RSF1: variants seen among roughly 807,000 people sequenced by gnomAD.
RSF1 encodes the protein remodeling and spacing factor 1, also known as HBV pX-associated protein 8.
A neutral mutation model predicts 145.2 loss-of-function variants in RSF1; 13 were observed. The ratio of observed to expected loss-of-function variants is 0.09; its 90% CI spans 0.06 to 0.14. The LOEUF is 0.14. Among genes scored for constraint, RSF1 ranks in the 10% least tolerant of loss-of-function variants. RSF1 has a pLI of 1.00. For missense variants in RSF1, 1,517 were observed against 1,718.2 expected (o/e 0.88, Z 2.07); for synonymous variants, 577 against 592.6 (o/e 0.97, Z 0.38).
At chr11:77,789,446 T>C (rs1448992418) in intron 1 of RSF1, among the ~76,000 whole-genome samples, 2 of 152,196 alleles carry the variant, frequency 1.3e-5, no homozygotes. Flanking sequence ...ATGCATGGAC[T>C]ACTGCCGCCG....
chr11:77,805,652 C>T, intron 1 of RSF1, among the ~76,000 whole-genome samples: 1 of 152,078 alleles, frequency 6.6e-6, no homozygotes, highest in East Asian at 1.9e-4. Context: ...CATATATATA[C>T]ATGTATGTAA....
intron 2 of RSF1, among the ~76,000 whole-genome samples, chr11:77,753,346 C>T (rs2135926220): frequency 6.6e-6 from 1 of 152,240 alleles, no homozygotes; most frequent in Non-Finnish European, 1.5e-5. Context: ...TTTAATCTGC[C>T]CTTAATTATT....
chr11:77,857,358 CAT>C, the RSF1 span, among the ~76,000 whole-genome samples: 1 of 152,124 alleles, frequency 6.6e-6, no homozygotes, highest in African/African-American at 2.4e-5. Context: ...GCAGGAAAAA[CAT>C]ATGTCTAGAT....
chr11:77,797,592 A>G, intron 1 of RSF1, among the ~76,000 whole-genome samples: 1 of 152,234 alleles, frequency 6.6e-6, no homozygotes, highest in South Asian at 2.1e-4. Flanking sequence ...CATCCAGGAC[A>G]TAGGCATGGG....
rs146551886 is a variant in RSF1 at position 77,701,054 on chromosome 11, G to A, written c.2175C>T (p.Thr725=). ...ETTASENTEI[T]SERQKEGIKL... is the part of the protein sequence containing the mutation. Reference sequence around the variant, plus strand: ...TGATGCCCTCTTTCTGCCTTTCAGAGGTTATCTCTGTATTTTCTGAGGCAG... The same window carrying A: ...TGATGCCCTCTTTCTGCCTTTCAGAAGTTATCTCTGTATTTTCTGAGGCAG... Residue 725 remains threonine, a synonymous_variant, in exon 6 of 16, where the codon ACC becomes ACT. Coordinates refer to ENST00000308488, the MANE Select transcript of RSF1 (RefSeq NM_016578.4). 2.5e-6 allele frequency: 4 copies of A among 1,613,608 alleles called. No individual in the cohort carries two copies. Among genetic ancestry groups the A allele is most frequent in the South Asian group, 2.2e-5 (2 of 91,064 alleles).
chr11:77,766,908 T>G (rs191798225), intron 1 of RSF1, among the ~76,000 whole-genome samples: 1 of 152,310 alleles, frequency 6.6e-6, no homozygotes, highest in African/African-American at 2.4e-5. Context: ...ATCCAGAAGA[T>G]AGAAGTAGCC....
chr11:77,673,024 C>T (rs1216842241), intron 14 of RSF1, among the ~76,000 whole-genome samples: 9 of 152,136 alleles, frequency 5.9e-5, no homozygotes, highest in Non-Finnish European at 1.3e-4. Flanking sequence ...TTACTGCAGT[C>T]GACCTACAGC....
In RSF1 at chr11:77,725,749, G is replaced by C. The variant is rs986640405; in HGVS notation, c.579-50C>G. On this transcript the variant is annotated intron_variant, in intron 4 of 15. Coordinates refer to ENST00000308488, the MANE Select transcript of RSF1 (RefSeq NM_016578.4). ...GCATAAAAACCTTTTTCCTGTTCTA[G>C]AGAACTTTCTGAATAATACCAATAG... 3.8e-5 allele frequency: 54 copies of C among 1,429,178 alleles called. No homozygotes were observed. The Middle Eastern group carries it at 5.7e-4, about 15-fold the overall frequency. The allele number at this position is 1,429,178 out of a possible 1,614,324, so 88.5% of individuals were successfully genotyped here.
chr11:77,756,912 C>T (rs543643608), intron 2 of RSF1, among the ~76,000 whole-genome samples: 1 of 152,192 alleles, frequency 6.6e-6, no homozygotes, highest in Non-Finnish European at 1.5e-5. Flanking sequence ...GAGGAAGAGA[C>T]AATCGTAAAC....
chr11:77,804,548 G>A (rs1276620165), intron 1 of RSF1, among the ~76,000 whole-genome samples: 1 of 152,162 alleles, frequency 6.6e-6, no homozygotes, highest in Non-Finnish European at 1.5e-5. Context: ...GTGTCTAATA[G>A]TTGGAGAGCC....
chr11:77,751,172 T>G (rs1294318422), intron 2 of RSF1, among the ~76,000 whole-genome samples: 1 of 152,220 alleles, frequency 6.6e-6, no homozygotes, highest in Admixed American at 6.5e-5. Flanking sequence ...TGACTTCACA[T>G]GCCTACAGAG....
rs1959225870 is a variant in RSF1, at chr11:77,660,957, T to C, written c.*5960A>G. On this transcript the variant is annotated 3_prime_UTR_variant, in exon 16 of 16. Coordinates refer to ENST00000308488, the MANE Select transcript of RSF1 (RefSeq NM_016578.4). ...ACTGACATTTAAACGAAGCTGTGAA[T>C]ATACCATGGTAAAATGTGCCATGTA... 6.6e-6 allele frequency: 1 copy of C among 152,200 alleles called. No homozygotes were observed. The highest frequency in any genetic ancestry group is 2.1e-4 in the South Asian group (1 of 4,834). 9.4% of individuals were successfully genotyped at this position (152,200 alleles called of 1,614,324 possible). A position where few individuals can be genotyped will look rare whatever the true frequency, so the allele number is the denominator to read the frequency against.
At chr11:77,813,780 G>A (rs992151143) in intron 1 of RSF1, 4 of 262,116 alleles carry the variant, frequency 1.5e-5, no homozygotes, top group South Asian at 9.5e-5. Context: ...ACCTACCACC[G>A]CGACTTCCTC....
At chr11:77,734,231 G>C (rs1248631056) in intron 4 of RSF1, among the ~76,000 whole-genome samples, 1 of 143,166 alleles carries the variant, frequency 7.0e-6, no homozygotes, top group African/African-American at 2.7e-5. Flanking sequence ...TCAACTTAAA[G>C]TATAATTATA....
At chr11:77,869,937 C>T in the RSF1 span, 3 of 909,412 alleles carry the variant, frequency 3.3e-6, no homozygotes, top group Middle Eastern at 3.3e-4. Context: ...ATTTTGCTGA[C>T]CCAGGATAGC....
chr11:77,816,390 A>G (rs1185455285), intron 1 of RSF1, among the ~76,000 whole-genome samples: 1 of 152,242 alleles, frequency 6.6e-6, no homozygotes, highest in African/African-American at 2.4e-5. Flanking sequence ...AAGAGAGACC[A>G]TAGTAAGTTA....
At chr11:77,766,872 C>CT (rs1948231776) in intron 1 of RSF1, among the ~76,000 whole-genome samples, 1 of 152,088 alleles carries the variant, frequency 6.6e-6, no homozygotes, top group Admixed American at 6.5e-5. Flanking sequence ...AGGGCCGAAG[C>CT]TAGATATAAA....
upstream of RSF1, chr11:77,820,916 G>T: frequency 1.7e-6 from 1 of 586,368 alleles, no homozygotes; most frequent in Non-Finnish European, 2.9e-6. Flanking sequence ...ACGGGAGACA[G>T]AGCGGCCCTC....
intron 5 of RSF1, among the ~76,000 whole-genome samples, chr11:77,725,304 T>C (rs1961026508): frequency 6.6e-6 from 1 of 152,238 alleles, no homozygotes; most frequent in East Asian, 1.9e-4. Flanking sequence ...TAAAAAATAT[T>C]ATGTTTTGAT....
Sources: allele counts gnomAD v4.1 joint callset (sites outside exome capture counted in the v4.1 genomes callset), GRCh38; gene constraint gnomAD v4.1.1; transcripts MANE v1.5; gene names NCBI Gene and HGNC (gene_info 2026-07-23, HGNC 2026-07-21).